The following GADD45GIP1 variants were observed in gnomAD, a reference collection of about 807,000 sequenced individuals.
GADD45GIP1 encodes GADD45G interacting protein 1, also known as large ribosomal subunit protein mL64.
A neutral mutation model predicts 22.1 loss-of-function variants in GADD45GIP1; 17 were observed. The ratio of observed to expected loss-of-function variants is 0.77; its 90% CI spans 0.53 to 1.15. The LOEUF (loss-of-function observed/expected upper bound fraction) is 1.15, where lower values mean the gene tolerates loss of function less well. GADD45GIP1 is among the 50% of genes most tolerant of loss of function. The probability of loss-of-function intolerance (pLI) is 0.00; values close to 1 mark genes in which losing one functional copy is unlikely to be tolerated. For missense variants in GADD45GIP1, 294 were observed against 314.0 expected (o/e 0.94, Z 0.48); for synonymous variants, 135 against 138.4 (o/e 0.98, Z 0.17).
At chr19:12,956,763 C>G (rs759295295) in intron 1 of GADD45GIP1, 100 bp downstream of exon 1, 8 of 966,818 alleles carry the variant, frequency 8.3e-6, no homozygotes, top group Non-Finnish European at 1.3e-5. Context: ...CTACAACATG[C>G]AGATGCTGCG....
Position 12,957,003 on chromosome 19 carries a change from C to A in GADD45GIP1, c.210G>T (p.Val70=). ...GCGACGGCCATAACGAACCGGGGACCACCCCGGAGGCGGCGCCGTAACGCG... is the reference window on the plus strand; with the variant it reads ...GCGACGGCCATAACGAACCGGGGACAACCCCGGAGGCGGCGCCGTAACGCG... The part of the protein sequence containing the change: ...QFARYGAASG[V]VPGSLWPSPE... The change falls in exon 1 of 2, where the codon GTG becomes GTT. Residue 70 remains valine, a synonymous_variant. Coordinates refer to ENST00000316939, the MANE Select transcript of GADD45GIP1 (RefSeq NM_052850.4). 6.3e-7 allele frequency: 1 copy of A among 1,598,666 alleles called. No individual in the cohort carries two copies. The highest frequency in any genetic ancestry group is 8.5e-7 in the Non-Finnish European group (1 of 1,179,444).
rs903389551 is a variant in GADD45GIP1 at position 12,953,823 on chromosome 19, C to G, written c.*385G>C. 2 of 182,552 alleles carry G rather than the reference C, an allele frequency of 1.1e-5. No homozygotes were observed. The highest frequency in any genetic ancestry group is 4.7e-5 in the African/African-American group (2 of 42,172). The allele number at this position is 182,552 out of a possible 1,614,324, so 11.3% of individuals were successfully genotyped here. On this transcript the variant is annotated 3_prime_UTR_variant, in exon 2 of 2. Coordinates refer to ENST00000316939, the MANE Select transcript of GADD45GIP1 (RefSeq NM_052850.4). ...GTGTGTCATTTCCAGGCAGTGGACC[C>G]CAGCCCAACGTTACAAGGACTGCTT...
In GADD45GIP1 at chr19:12,954,360, C is replaced by A; in HGVS notation, c.517G>T (p.Ala173Ser). 1 of 1,614,174 alleles carries A rather than the reference C, an allele frequency of 6.2e-7. No homozygotes were observed. The highest frequency in any genetic ancestry group is 8.5e-7 in the Non-Finnish European group (1 of 1,180,014). The change falls in exon 2 of 2, where the codon GCC (alanine) becomes TCC (serine). Residue 173 changes from alanine (A) to serine (S), a missense_variant. Transcript: ENST00000316939. ...TCCTGGAGCAGCTCCTGGAAGCGGGCACTCCTTGGGTCCACCTGGTAGCCC... is the reference window on the plus strand; with the variant it reads ...TCCTGGAGCAGCTCCTGGAAGCGGGAACTCCTTGGGTCCACCTGGTAGCCC... ...LLGYQVDPRS[A>S]RFQELLQDLE...
intron 1 of GADD45GIP1, 128 bp downstream of exon 1, chr19:12,956,735 G>A (rs1971928522): frequency 2.7e-6 from 2 of 740,812 alleles, no homozygotes; most frequent in Non-Finnish European, 4.5e-6. Context: ...TTGCGGCCAG[G>A]TGAGCGTATA....
rs1222695338 is a variant in GADD45GIP1, at chr19:12,953,177, A to C, written c.*1031T>G. 1.5e-6 allele frequency: 1 copy of C among 682,040 alleles called. No individual in the cohort carries two copies. The highest frequency in any genetic ancestry group is 3.5e-5 in the Admixed American group (1 of 28,632). 42.2% of individuals were successfully genotyped at this position (682,040 alleles called of 1,614,324 possible). A position where few individuals can be genotyped will look rare whatever the true frequency, so the allele number is the denominator to read the frequency against. On this transcript the variant is annotated 3_prime_UTR_variant, in exon 2 of 2. Coordinates refer to ENST00000316939, the MANE Select transcript of GADD45GIP1 (RefSeq NM_052850.4). ...AAAAAAAATCAAAAATCTTAAAAAA[A>C]CAAGCAAACAGTCCAGCTTCCTGTC... is the stretch of plus-strand genomic sequence containing the variant.
At position 12,954,138 on chromosome 19, in the gene GADD45GIP1, A is replaced by T; in HGVS notation, c.*70T>A. ...GGAACCAGGGGACCCAGAGAGGCAC[A>T]CCTTGAGAGGACGCAGATCTCTTCA... On this transcript the variant is annotated 3_prime_UTR_variant, in exon 2 of 2. Coordinates refer to ENST00000316939, the MANE Select transcript of GADD45GIP1 (RefSeq NM_052850.4). The T allele has an allele frequency of 7.4e-7, 1 of 1,347,688 alleles. No individual in the cohort carries two copies. Among genetic ancestry groups the T allele is most frequent in the Non-Finnish European group, 1.0e-6 (1 of 971,496 alleles). The allele number at this position is 1,347,688 out of a possible 1,614,324, so 83.5% of individuals were successfully genotyped here.
Position 12,953,985 on chromosome 19 carries a change from T to C in GADD45GIP1, c.*223A>G. 1.9e-6 allele frequency: 1 copy of C among 528,246 alleles called. No individual in the cohort carries two copies. Among genetic ancestry groups the C allele is most frequent in the Non-Finnish European group, 3.3e-6 (1 of 298,632 alleles). 32.7% of individuals were successfully genotyped at this position (528,246 alleles called of 1,614,324 possible). On this transcript the variant is annotated 3_prime_UTR_variant, in exon 2 of 2. Coordinates refer to ENST00000316939, the MANE Select transcript of GADD45GIP1 (RefSeq NM_052850.4). ...TTCTCTTCTGCCATCTGCTTCTCCA[T>C]TATTTGCCCATTGTACACCCCCCTT...
rs1306528164 is a variant in GADD45GIP1, at chr19:12,957,017, C to G, written c.196G>C (p.Ala66Pro). Residue 66 changes from alanine to proline, a missense_variant, in exon 1 of 2, where the codon GCC becomes CCC. By Grantham distance (27) the Ala-to-Pro change is conservative (BLOSUM62 -1). Transcript: ENST00000316939. ...YAAKQFARYG[A>P]ASGVVPGSLW... ...GAACCGGGGACCACCCCGGAGGCGG[C>G]GCCGTAACGCGCGAACTGCTTAGCC... 5.6e-6 allele frequency: 9 copies of G among 1,596,848 alleles called. No homozygotes were observed. Among genetic ancestry groups the G allele is most frequent in the Non-Finnish European group, 7.6e-6 (9 of 1,178,716 alleles).
chr19:12,956,806 G>A, intron 1 of GADD45GIP1, 57 bp downstream of exon 1: 1 of 1,515,072 alleles, frequency 6.6e-7, no homozygotes, highest in South Asian at 1.1e-5. Context: ...ACGGTTTGGG[G>A]CCCAGTTCGC....
In GADD45GIP1 at chr19:12,957,091, T is replaced by C. The variant is rs1248503576; in HGVS notation, c.122A>G (p.Asp41Gly). The change falls in exon 1 of 2, where the codon GAC becomes GGC. Residue 41 changes from aspartate (D) to glycine (G), a missense_variant. By Grantham distance (94) the Asp-to-Gly change is moderately conservative (BLOSUM62 -1). Coordinates refer to ENST00000316939, the MANE Select transcript of GADD45GIP1 (RefSeq NM_052850.4). ...CCGCGGGGTCAGGAGGTCCTCGGGG[T>C]CTGGCCACCGGGGTCCCGGCCTGCG... is the stretch of plus-strand genomic sequence containing the variant. ...PRRRPGPRWP[D>G]PEDLLTPRWQ... 5.9e-6 allele frequency: 9 copies of C among 1,515,948 alleles called. No homozygotes were observed. The highest frequency in any genetic ancestry group is 7.9e-6 in the Non-Finnish European group (9 of 1,141,990). 93.9% of individuals were successfully genotyped at this position (1,515,948 alleles called of 1,614,324 possible).
At chr19:12,956,138 T>G (rs1406315304) in intron 1 of GADD45GIP1, among the ~76,000 whole-genome samples, 1 of 152,188 alleles carries the variant, frequency 6.6e-6, no homozygotes, top group African/African-American at 2.4e-5. Flanking sequence ...GGCCTGAGGC[T>G]TCCCAAACCA....
In GADD45GIP1 at chr19:12,957,197, G is replaced by C. The variant is rs745710641; in HGVS notation, c.16C>G (p.Arg6Gly). The C allele has an allele frequency of 1.8e-5, 25 of 1,401,038 alleles. No homozygotes were observed. The East Asian group carries it at 4.6e-4, about 26-fold the overall frequency. The allele number at this position is 1,401,038 out of a possible 1,614,324, so 86.8% of individuals were successfully genotyped here. The change falls in exon 1 of 2, where the codon CGA becomes GGA. Residue 6 changes from arginine (R) to glycine (G), a missense_variant. Arg to Gly is a moderately radical substitution (Grantham distance 125, BLOSUM62 -2). Coordinates refer to ENST00000316939, the MANE Select transcript of GADD45GIP1 (RefSeq NM_052850.4). ...ACACCTAGTAGGCTGCGTGCCTGTCGCACGGACGCCGCCATCTTGGCTGTG... is the reference window on the plus strand; with the variant it reads ...ACACCTAGTAGGCTGCGTGCCTGTCCCACGGACGCCGCCATCTTGGCTGTG... Reference protein sequence around the residue: MAASVRQARSLLGVAA... With the variant: MAASVGQARSLLGVAA...
chr19:12,955,386 TCC>T (rs1971911173), intron 1 of GADD45GIP1, among the ~76,000 whole-genome samples: 1 of 152,174 alleles, frequency 6.6e-6, no homozygotes, highest in East Asian at 1.9e-4. Context: ...GCTCCATGAT[TCC>T]CTGCCTGGGT....
In GADD45GIP1 at chr19:12,953,233, G is replaced by A. The variant is rs934085693; in HGVS notation, c.*975C>T. On this transcript the variant is annotated 3_prime_UTR_variant, in exon 2 of 2. Coordinates refer to ENST00000316939, the MANE Select transcript of GADD45GIP1 (RefSeq NM_052850.4). Reference sequence around the variant, plus strand: ...AAAGTGGCCCCTGTTCCCATCTCCCGGGCCAGACAGCTGTCCCCCCGTCCT... The same window carrying A: ...AAAGTGGCCCCTGTTCCCATCTCCCAGGCCAGACAGCTGTCCCCCCGTCCT... The A allele has an allele frequency of 3.1e-5, 14 of 449,676 alleles. No individual in the cohort carries two copies. Among genetic ancestry groups the A allele is most frequent in the Admixed American group, 8.0e-5 (2 of 25,056 alleles). The allele number at this position is 449,676 out of a possible 1,614,324, so 27.9% of individuals were successfully genotyped here. A position where few individuals can be genotyped will look rare whatever the true frequency, so the allele number is the denominator to read the frequency against.
In GADD45GIP1 at chr19:12,954,412, T is replaced by G. The variant is rs1971897011; in HGVS notation, c.465A>C (p.Arg155=). ...GGAGCTCCTGGGCCTCAGCCTGCAG[T>G]CGGGCCCTCCTCTCCTTGTCAGCCT... The part of the protein sequence containing the change: ...KAQADKERRA[R]LQAEAQELLG... The change falls in exon 2 of 2, where the codon CGA becomes CGC. Residue 155 remains arginine, a synonymous_variant. Transcript: ENST00000316939. The G allele has an allele frequency of 1.2e-6, 2 of 1,614,050 alleles. No homozygotes were observed. The highest frequency in any genetic ancestry group is 2.2e-5 in the South Asian group (2 of 91,092).
At position 12,953,258 on chromosome 19, in the gene GADD45GIP1, T is replaced by C; in HGVS notation, c.*950A>G. ...GGGCCAGACAGCTGTCCCCCCGTCCTCCTCCCCAGCCCAGCCTGCTCAGAG... is the reference window on the plus strand; with the variant it reads ...GGGCCAGACAGCTGTCCCCCCGTCCCCCTCCCCAGCCCAGCCTGCTCAGAG... On this transcript the variant is annotated 3_prime_UTR_variant, in exon 2 of 2. Coordinates refer to ENST00000316939, the MANE Select transcript of GADD45GIP1 (RefSeq NM_052850.4). 1 of 406,282 alleles carries C rather than the reference T, an allele frequency of 2.5e-6. No homozygotes were observed. The highest frequency in any genetic ancestry group is 4.3e-6 in the Non-Finnish European group (1 of 234,070). The allele number at this position is 406,282 out of a possible 1,614,324, so 25.2% of individuals were successfully genotyped here. A position where few individuals can be genotyped will look rare whatever the true frequency, so the allele number is the denominator to read the frequency against.
Position 12,954,197 on chromosome 19 carries a change from G to A in GADD45GIP1, c.*11C>T. ...GCCAGGTAGCAGGCTTTATTGGGAA[G>A]GGACAAAGCCTCAGGAGCTGGGTGC... On this transcript the variant is annotated 3_prime_UTR_variant, in exon 2 of 2. Transcript: ENST00000316939. 6.2e-7 allele frequency: 1 copy of A among 1,606,984 alleles called. No individual in the cohort carries two copies. The highest frequency in any genetic ancestry group is 8.5e-7 in the Non-Finnish European group (1 of 1,176,128).
intron 1 of GADD45GIP1, among the ~76,000 whole-genome samples, chr19:12,955,892 G>A (rs1469177179): frequency 2.0e-5 from 3 of 152,002 alleles, no homozygotes; most frequent in Non-Finnish European, 4.4e-5. Context: ...GATGCCCCTG[G>A]TCCTTCAGAC....
chr19:12,955,417 A>C (rs552089788), intron 1 of GADD45GIP1, among the ~76,000 whole-genome samples: 7 of 152,108 alleles, frequency 4.6e-5, no homozygotes, highest in Non-Finnish European at 7.4e-5. Flanking sequence ...GCATGACTTC[A>C]CTTCACCAAG....
Sources: allele counts gnomAD v4.1 joint callset (sites outside exome capture counted in the v4.1 genomes callset), GRCh38; gene constraint gnomAD v4.1.1; transcripts MANE v1.5; gene names NCBI Gene and HGNC (gene_info 2026-07-23, HGNC 2026-07-21).